The following RTEL1 variants were observed in gnomAD, a reference collection of about 807,000 sequenced individuals.
RTEL1 encodes the protein regulator of telomere elongation helicase 1.
In RTEL1, 86 loss-of-function variants were observed where a neutral mutation model predicts 162.2. The observed-to-expected ratio is 0.53, with a 90% CI of 0.45 to 0.63. RTEL1 has a LOEUF of 0.63. RTEL1 is among the 30% of genes least tolerant of loss of function. The pLI is 0.00. For missense variants in RTEL1, 1,941 were observed against 1,750.2 expected (o/e 1.11, Z -1.95); for synonymous variants, 958 against 717.9 (o/e 1.33, Z -5.35).
At position 63,681,535 on chromosome 20, in the gene RTEL1, A is replaced by C. The variant is rs114583950; in HGVS notation, c.1191+816A>C. The C allele has an allele frequency of 5.9e-4, 579 of 985,010 alleles. 5 individuals carry two copies. The African/African-American group carries it at 9.6e-3, about 16-fold the overall frequency. The allele number at this position is 985,010 out of a possible 1,614,324, so 61.0% of individuals were successfully genotyped here. A position where few individuals can be genotyped will look rare whatever the true frequency, so the allele number is the denominator to read the frequency against. On this transcript the variant is annotated intron_variant, in intron 14 of 34. Transcript: ENST00000360203. Reference sequence around the variant, plus strand: ...CGCTATGACAGCTTCATGAGTGTCCATCTGGCCTGTGGGGTGCTTGAGCTG... The same window carrying C: ...CGCTATGACAGCTTCATGAGTGTCCCTCTGGCCTGTGGGGTGCTTGAGCTG...
chr20:63,667,596 GGTGT>G, intron 8 of RTEL1, 43 bp downstream of exon 8: 3 of 1,494,370 alleles, frequency 2.0e-6, no homozygotes, highest in Non-Finnish European at 2.8e-6. Flanking sequence ...GATGTCCAGG[GGTGT>G]CCCTGGGCTT....
chr20:63,676,480 C>T (rs1170374148), intron 10 of RTEL1, among the ~76,000 whole-genome samples: 1 of 152,138 alleles, frequency 6.6e-6, no homozygotes, highest in Non-Finnish European at 1.5e-5. Context: ...CCCATGTGAA[C>T]ATTGTTGCTG....
intron 7 of RTEL1, among the ~76,000 whole-genome samples, chr20:63,666,845 T>C (rs922441880): frequency 2.1e-5 from 3 of 144,640 alleles, no homozygotes; most frequent in African/African-American, 7.7e-5. Flanking sequence ...TTTTTTTTTT[T>C]TTTTTTTTTT....
intron 13 of RTEL1, 101 bp downstream of exon 13, chr20:63,680,047 C>T (rs1472321410): frequency 1.4e-5 from 11 of 779,128 alleles, no homozygotes; most frequent in East Asian, 1.3e-4. Context: ...GTCACCTGGC[C>T]GTCAGCAGGA....
chr20:63,691,865 C>T lies in RTEL1; in HGVS notation c.2652+28C>T, dbSNP rs374922284. On this transcript the variant is annotated intron_variant, in intron 28 of 34. Coordinates refer to ENST00000360203, the MANE Select transcript of RTEL1 (RefSeq NM_001283009.2). The stretch of plus-strand genomic sequence containing the variant: ...GCGTGAGCTGTCCCTGCACCTGTGC[C>T]GACCACCATAGACACGCATGGGAAC... The T allele has an allele frequency of 4.4e-5, 70 of 1,583,646 alleles. No individual in the cohort carries two copies. In the African/African-American group the frequency reaches 5.1e-4, roughly 12 times the overall value.
chr20:63,666,141 G>C, intron 7 of RTEL1, 62 bp downstream of exon 7: 3 of 1,265,510 alleles, frequency 2.4e-6, no homozygotes, highest in East Asian at 2.3e-5. Flanking sequence ...CCTGTGACCT[G>C]TGGAGGCCCG....
At chr20:63,693,500 C>T (rs1243056294) in intron 30 of RTEL1, among the ~76,000 whole-genome samples, 1 of 86,960 alleles carries the variant, frequency 1.1e-5, no homozygotes, top group East Asian at 3.2e-4. Flanking sequence ...CCTCCACCTC[C>T]ACCACCACCT....
Position 63,689,555 on chromosome 20 carries a change from G to A in RTEL1, c.1932G>A (p.Thr644=), listed in dbSNP as rs374107857. Residue 644 remains threonine, a synonymous_variant, in exon 23 of 35, where the codon ACG becomes ACA. Transcript: ENST00000360203. ...SDTNGRGVIV[T]GLPYPPRMDP... is the part of the protein sequence containing the mutation. ...CGAATGGCCGTGGTGTGATTGTCAC[G>A]GGCCTCCCGTACCCCCCACGCATGG... is the stretch of plus-strand genomic sequence containing the variant. 5.6e-6 allele frequency: 9 copies of A among 1,611,362 alleles called. No individual in the cohort carries two copies. The highest frequency in any genetic ancestry group is 1.6e-4 in the Middle Eastern group (1 of 6,070).
At position 63,675,675 on chromosome 20, in the gene RTEL1, G is replaced by A. The variant is rs557116937; in HGVS notation, c.919+1582G>A. ...ACCACAGGTGTGCACCACTGCCACC[G>A]GCTCTCAAGATTGCCACGCAGGGAG... On this transcript the variant is annotated intron_variant, in intron 10 of 34. Coordinates refer to ENST00000360203, the MANE Select transcript of RTEL1 (RefSeq NM_001283009.2). 1.1e-4 allele frequency among the ~76,000 whole-genome samples: 17 copies of A among 152,278 alleles called. No individual in the cohort carries two copies. In the South Asian group the frequency reaches 2.1e-3, roughly 19 times the overall value.
chr20:63,677,736 C>T (rs888368256), intron 10 of RTEL1, among the ~76,000 whole-genome samples: 1 of 151,254 alleles, frequency 6.6e-6, no homozygotes. Flanking sequence ...TCTGTGTGGC[C>T]TCTTCCTTCC....
At chr20:63,694,292 C>G in intron 30 of RTEL1, 80 bp from the exon 31 acceptor site, 1 of 1,160,498 alleles carries the variant, frequency 8.6e-7, no homozygotes. Flanking sequence ...CCTGGCCTCC[C>G]TAGCCAGCCC....
At chr20:63,689,696 G>T (rs780474074) in intron 23 of RTEL1, 48 bp downstream of exon 23, 28 of 1,603,614 alleles carry the variant, frequency 1.7e-5, no homozygotes, top group Non-Finnish European at 1.8e-5. Flanking sequence ...TGGTGACTGA[G>T]CCCCCGCCCC....
chr20:63,661,614 G>T lies in RTEL1; in HGVS notation c.301+118G>T, dbSNP rs964550409. 49 of 1,121,890 alleles carry T rather than the reference G, an allele frequency of 4.4e-5. No individual in the cohort carries two copies. The highest frequency in any genetic ancestry group is 4.5e-4 in the Middle Eastern group (2 of 4,474). The allele number at this position is 1,121,890 out of a possible 1,614,324, so 69.5% of individuals were successfully genotyped here. On this transcript the variant is annotated intron_variant, in intron 3 of 34. Transcript: ENST00000360203. The surrounding 1 kb of genome is among the most constrained non-coding windows in gnomAD (Gnocchi z 5.1). Reference sequence around the variant, plus strand: ...CCGTCTCTCAAGCAGAACTCAAGGAGAATTTTTTAGCTGCTGTATAATTTC... The same window carrying T: ...CCGTCTCTCAAGCAGAACTCAAGGATAATTTTTTAGCTGCTGTATAATTTC...
chr20:63,695,492 G>C lies in RTEL1; in HGVS notation c.3664G>C (p.Gly1222Arg). Residue 1222 changes from glycine (G) to arginine (R), a missense_variant, in exon 34 of 35, where the codon GGG (glycine) becomes CGG (arginine). Coordinates refer to ENST00000360203, the MANE Select transcript of RTEL1 (RefSeq NM_001283009.2). ...AGCATCTGAGTGGGGTGAGCCTCAT[G>C]GGAGAGACATCGCTGGGCAGCAGGC... ...PAASEWGEPH[G>R]RDIAGQQATG... The C allele has an allele frequency of 1.2e-6, 2 of 1,610,296 alleles. No individual in the cohort carries two copies. Among genetic ancestry groups the C allele is most frequent in the Non-Finnish European group, 8.5e-7 (1 of 1,178,690 alleles).
Position 63,667,546 on chromosome 20 carries a change from A to T in RTEL1, c.692A>T (p.Asp231Val), listed in dbSNP as rs764165415. 6.2e-6 allele frequency: 10 copies of T among 1,613,576 alleles called. No individual in the cohort carries two copies. In the South Asian group the frequency reaches 1.1e-4, roughly 18 times the overall value. Residue 231 changes from aspartate (D) to valine (V), a missense_variant, in exon 8 of 35, where the codon GAT becomes GTT. Physicochemically the swap from Asp to Val is radical, Grantham distance 152. Coordinates refer to ENST00000360203, the MANE Select transcript of RTEL1 (RefSeq NM_001283009.2). ...TTCATGCCGTACAATTACTTGTTGG[A>T]TGCCAAGGTGGGGGCTCAGTCCTGT... ...IIFMPYNYLL[D>V]AKSRRAHNID...
At chr20:63,663,814 T>G (rs1292499139) in intron 6 of RTEL1, among the ~76,000 whole-genome samples, 1 of 152,158 alleles carries the variant, frequency 6.6e-6, no homozygotes, top group East Asian at 1.9e-4. Context: ...TGCTGAGTGC[T>G]CAGTGTGCCA....
intron 14 of RTEL1, among the ~76,000 whole-genome samples, chr20:63,683,208 T>G (rs534299033): frequency 6.6e-6 from 1 of 152,354 alleles, no homozygotes; most frequent in African/African-American, 2.4e-5. Flanking sequence ...TCAGGCAGTC[T>G]GCCCGCCTTG....
chr20:63,681,333 G>C (rs1053211543), intron 14 of RTEL1: 1 of 985,256 alleles, frequency 1.0e-6, no homozygotes, highest in African/African-American at 1.7e-5. Context: ...TGGGTGCTCT[G>C]GGCACGTTGC....
intron 2 of RTEL1, chr20:63,660,728 C>G (rs1159101713): frequency 1.3e-5 from 2 of 156,726 alleles, no homozygotes; most frequent in African/African-American, 4.8e-5. Flanking sequence ...TGAGGAGCAG[C>G]TGATATTCAC....
Sources: allele counts gnomAD v4.1 joint callset (sites outside exome capture counted in the v4.1 genomes callset), GRCh38; gene constraint gnomAD v4.1.1; non-coding constraint Gnocchi (gnomAD v3.1); transcripts MANE v1.5; gene names NCBI Gene and HGNC (gene_info 2026-07-23, HGNC 2026-07-21).